Variants in ADAMTS17 observed in about 807,000 individuals in gnomAD.
ADAMTS17 encodes ADAM metallopeptidase with thrombospondin type 1 motif 17, also known as A disintegrin and metalloproteinase with thrombospondin motifs 17.
ADAMTS17 carries 113 observed loss-of-function variants against 141.5 expected under a neutral mutation model. The ratio of observed to expected loss-of-function variants is 0.80; its 90% CI spans 0.69 to 0.93. The LOEUF is 0.93. Ranked by LOEUF, ADAMTS17 falls within the 40% of genes least tolerant of loss-of-function variation. The pLI, the probability that ADAMTS17 is intolerant of heterozygous loss-of-function variation, is 0.00. For missense variants in ADAMTS17, 1,659 were observed against 1,517.9 expected (o/e 1.09, Z -1.54); for synonymous variants, 768 against 630.6 (o/e 1.22, Z -3.27).
At position 100,332,512 on chromosome 15, in the gene ADAMTS17, T is replaced by G. The variant is rs556246289; in HGVS notation, c.451-1458A>C. Among the ~76,000 whole-genome samples, 192 of 152,376 alleles carry G rather than the reference T, an allele frequency of 1.3e-3. 1 individual carries two copies. Among genetic ancestry groups the G allele is most frequent in the Non-Finnish European group, 2.1e-3 (141 of 68,038 alleles). The stretch of plus-strand genomic sequence containing the variant: ...TGCACTCATTTGGAAACACCCTGGC[T>G]GTGGGTCAAAGCCCCCCCAGGATCT... On this transcript the variant is annotated intron_variant, in intron 2 of 21. Coordinates refer to ENST00000268070, the MANE Select transcript of ADAMTS17 (RefSeq NM_139057.4).
At chr15:100,254,962 T>C (rs2043275770) in intron 6 of ADAMTS17, among the ~76,000 whole-genome samples, 2 of 151,958 alleles carry the variant, frequency 1.3e-5, no homozygotes, top group South Asian at 4.1e-4. Flanking sequence ...TGTTTACCTA[T>C]GTAATGAACC....
chr15:100,052,611 A>C (rs2032234914), intron 16 of ADAMTS17, among the ~76,000 whole-genome samples: 1 of 152,204 alleles, frequency 6.6e-6, no homozygotes, highest in African/African-American at 2.4e-5. Context: ...TTCTCATGCT[A>C]ACAGGTGAAG....
At chr15:100,135,724 GATCA>G (rs953798298) in intron 10 of ADAMTS17, among the ~76,000 whole-genome samples, 58 of 152,282 alleles carry the variant, frequency 3.8e-4, no homozygotes, top group African/African-American at 1.3e-3. Context: ...AACTCCTATA[GATCA>G]ATTAAGAAAA....
At chr15:100,156,455 C>T (rs1362547271) in intron 8 of ADAMTS17, among the ~76,000 whole-genome samples, 1 of 152,224 alleles carries the variant, frequency 6.6e-6, no homozygotes, top group Non-Finnish European at 1.5e-5. Context: ...GATCCGCTGC[C>T]TGGCGCTCAT....
intron 7 of ADAMTS17, among the ~76,000 whole-genome samples, chr15:100,236,920 T>C (rs2042675458): frequency 6.6e-6 from 1 of 152,098 alleles, no homozygotes; most frequent in Non-Finnish European, 1.5e-5. Context: ...AATGGGTCTG[T>C]CACAGGAGGG....
chr15:100,233,085 T>C (rs2042539012), intron 7 of ADAMTS17, among the ~76,000 whole-genome samples: 3 of 151,994 alleles, frequency 2.0e-5, no homozygotes, highest in African/African-American at 7.3e-5. Flanking sequence ...TCCTAGCACT[T>C]TGGGAGGCTA....
At chr15:100,057,180 T>C (rs905235848) in intron 15 of ADAMTS17, among the ~76,000 whole-genome samples, 1 of 151,802 alleles carries the variant, frequency 6.6e-6, no homozygotes, top group Non-Finnish European at 1.5e-5. Context: ...AAGTGGAAGG[T>C]AAAGTTTTTT....
chr15:100,240,708 G>C (rs569613197), intron 7 of ADAMTS17, among the ~76,000 whole-genome samples: 3 of 152,190 alleles, frequency 2.0e-5, no homozygotes, highest in African/African-American at 4.8e-5. Flanking sequence ...TCACTTCTAA[G>C]AATGTATTAT....
chr15:100,326,575 T>A (rs1445520475), intron 3 of ADAMTS17, among the ~76,000 whole-genome samples: 1 of 152,204 alleles, frequency 6.6e-6, no homozygotes, highest in African/African-American at 2.4e-5. Context: ...GGATTTGAGA[T>A]GTCCTAAATC....
intron 15 of ADAMTS17, among the ~76,000 whole-genome samples, chr15:100,071,664 A>C (rs2033980937): frequency 6.6e-6 from 1 of 150,510 alleles, no homozygotes; most frequent in African/African-American, 2.5e-5. Context: ...AAACCACATG[A>C]TTATCTCAAT....
chr15:100,205,921 G>A (rs1474269346), intron 7 of ADAMTS17, among the ~76,000 whole-genome samples: 5 of 152,140 alleles, frequency 3.3e-5, no homozygotes, highest in Admixed American at 2.0e-4. Flanking sequence ...CCCAGGTCTG[G>A]CCCCTCCAGA....
At chr15:100,265,808 G>T (rs1201630588) in intron 4 of ADAMTS17, among the ~76,000 whole-genome samples, 1 of 152,196 alleles carries the variant, frequency 6.6e-6, no homozygotes, top group Non-Finnish European at 1.5e-5. Context: ...TCTGAGTGGG[G>T]TCCCCAAAGC....
chr15:100,038,366 A>T (rs1008961631), intron 18 of ADAMTS17, among the ~76,000 whole-genome samples: 2 of 152,202 alleles, frequency 1.3e-5, no homozygotes, highest in African/African-American at 4.8e-5. Context: ...TTGCAATTCC[A>T]TATGAATTTT....
At chr15:100,113,379 T>G (rs1455110467) in intron 13 of ADAMTS17, among the ~76,000 whole-genome samples, 1 of 152,164 alleles carries the variant, frequency 6.6e-6, no homozygotes, top group Non-Finnish European at 1.5e-5. Context: ...GAGCTCTAGG[T>G]AGTGTCAGTA....
chr15:100,315,018 G>T (rs1352553494), intron 3 of ADAMTS17, among the ~76,000 whole-genome samples: 4 of 152,348 alleles, frequency 2.6e-5, no homozygotes, highest in Non-Finnish European at 5.9e-5. Flanking sequence ...GCCTCTGAGG[G>T]ACAAGGGGGC....
At chr15:100,086,755 A>C (rs28875542) in intron 15 of ADAMTS17, among the ~76,000 whole-genome samples, 3 of 145,870 alleles carry the variant, frequency 2.1e-5, no homozygotes, top group Non-Finnish European at 3.0e-5. Context: ...GGTACATAAC[A>C]AAATGAAGGC....
chr15:100,232,509 CCTT>C (rs1168247823), intron 7 of ADAMTS17, among the ~76,000 whole-genome samples: 2 of 152,192 alleles, frequency 1.3e-5, no homozygotes, highest in South Asian at 2.1e-4. Flanking sequence ...AGTAAACCCA[CCTT>C]CTTCTTAACA....
intron 3 of ADAMTS17, among the ~76,000 whole-genome samples, chr15:100,300,145 A>G (rs2044977235): frequency 6.6e-6 from 1 of 152,068 alleles, no homozygotes; most frequent in Non-Finnish European, 1.5e-5. Flanking sequence ...AATACCTCCA[A>G]CATGCCCAGG....
At chr15:100,326,801 A>G (rs1269591616) in intron 3 of ADAMTS17, among the ~76,000 whole-genome samples, 2 of 152,132 alleles carry the variant, frequency 1.3e-5, no homozygotes, top group African/African-American at 4.8e-5. Context: ...CCCTCATCCT[A>G]ATTAAAAAGA....
Sources: gnomAD v4.1 joint callset for allele counts (sites outside exome capture counted in the v4.1 genomes callset) on GRCh38, gnomAD v4.1.1 for gene constraint, MANE v1.5 for transcripts, NCBI Gene and HGNC (gene_info 2026-07-23, HGNC 2026-07-21) for gene names.